The following LHPP variants were observed in gnomAD, a reference collection of about 807,000 sequenced individuals.
LHPP encodes phospholysine phosphohistidine inorganic pyrophosphate phosphatase.
In LHPP, 24 loss-of-function variants were observed where a neutral mutation model predicts 30.3. That is an observed-to-expected ratio of 0.79 (90% CI 0.57 to 1.11). The LOEUF is 1.11. Among genes scored for constraint, LHPP ranks in the 50% most tolerant of loss-of-function variants. LHPP has a pLI of 0.00. For synonymous variants in LHPP, 150 were observed against 157.1 expected, an observed-to-expected ratio of 0.95 and a Z score of 0.34; for missense variants, 356 against 367.2, an observed-to-expected ratio of 0.97 and a Z score of 0.25.
intron 6 of LHPP, among the ~76,000 whole-genome samples, chr10:124,537,308 TG>T (rs1294752147): frequency 6.6e-6 from 1 of 152,106 alleles, no homozygotes; most frequent in Non-Finnish European, 1.5e-5. Flanking sequence ...CGTGAGCTGT[TG>T]GGGGTGTCAG....
chr10:124,598,077 C>T lies in LHPP; in HGVS notation c.717-15187C>T, dbSNP rs540952493. ...ACGTCCAGGCCTCCCAGCCCCAACTCTGAGCCTCCGTTGGGTCAGTGGTAA... is the reference window on the plus strand; with the variant it reads ...ACGTCCAGGCCTCCCAGCCCCAACTTTGAGCCTCCGTTGGGTCAGTGGTAA... On this transcript the variant is annotated intron_variant, in intron 6 of 6. Transcript: ENST00000368842. 2.0e-5 allele frequency among the ~76,000 whole-genome samples: 3 copies of T among 152,348 alleles called. No individual in the cohort carries two copies. In the South Asian group the frequency reaches 6.2e-4, roughly 32 times the overall value.
chr10:124,607,568 G>A (rs993748566), intron 6 of LHPP, among the ~76,000 whole-genome samples: 1 of 152,194 alleles, frequency 6.6e-6, no homozygotes, highest in Non-Finnish European at 1.5e-5. Context: ...ATTACAAAGC[G>A]TCATCTTCTA....
At position 124,590,635 on chromosome 10, in the gene LHPP, C is replaced by T. The variant is rs550092337; in HGVS notation, c.717-22629C>T. ...CTGTCTGCCCAGGACTCTCCCCACCCGCACAGTGTACCTGTCCCACAGTGG... is the reference window on the plus strand; with the variant it reads ...CTGTCTGCCCAGGACTCTCCCCACCTGCACAGTGTACCTGTCCCACAGTGG... On this transcript the variant is annotated intron_variant, in intron 6 of 6. Transcript: ENST00000368842. The surrounding 1 kb of genome is among the most constrained non-coding windows in gnomAD (Gnocchi z 4.3). Among the ~76,000 whole-genome samples, 88 of 152,318 alleles carry T rather than the reference C, an allele frequency of 5.8e-4. No homozygotes were observed. The highest frequency in any genetic ancestry group is 2.0e-3 in the African/African-American group (84 of 41,574).
chr10:124,602,684 CA>C (rs1949038976), intron 6 of LHPP, among the ~76,000 whole-genome samples: 1 of 152,142 alleles, frequency 6.6e-6, no homozygotes, highest in African/African-American at 2.4e-5. Context: ...CCCTGGGCAC[CA>C]CCCACTGGAA....
At chr10:124,500,644 A>T (rs1953870745) in intron 5 of LHPP, among the ~76,000 whole-genome samples, 1 of 151,926 alleles carries the variant, frequency 6.6e-6, no homozygotes, top group African/African-American at 2.4e-5. Flanking sequence ...GGCATACAAA[A>T]AGATACTCAA....
chr10:124,475,964 G>A (rs912620482), intron 1 of LHPP, among the ~76,000 whole-genome samples: 3 of 152,264 alleles, frequency 2.0e-5, no homozygotes, highest in Non-Finnish European at 2.9e-5. Context: ...TCTAAATTGC[G>A]TTTATTGATT....
At chr10:124,575,406 C>T (rs539405891) in intron 6 of LHPP, among the ~76,000 whole-genome samples, 27 of 152,284 alleles carry the variant, frequency 1.8e-4, no homozygotes, top group African/African-American at 6.5e-4. Context: ...CAGTTCACTC[C>T]CTAATACGCC....
intron 6 of LHPP, among the ~76,000 whole-genome samples, chr10:124,585,799 T>G (rs1366965690): frequency 6.6e-6 from 1 of 151,922 alleles, no homozygotes; most frequent in East Asian, 1.9e-4. Context: ...TGTGTTTTCT[T>G]TTTTTGGAGA....
At chr10:124,518,515 G>T (rs1426099399) in intron 6 of LHPP, among the ~76,000 whole-genome samples, 1 of 152,248 alleles carries the variant, frequency 6.6e-6, no homozygotes, top group Non-Finnish European at 1.5e-5. Context: ...CAGCCGTCAG[G>T]AGCCCAGCCC....
rs1038090646 is a variant in LHPP, at chr10:124,478,719, G to C, written c.126-5420G>C. Among the ~76,000 whole-genome samples, 7 of 152,140 alleles carry C rather than the reference G, an allele frequency of 4.6e-5. No homozygotes were observed. Among genetic ancestry groups the C allele is most frequent in the Admixed American group, 3.3e-4 (5 of 15,280 alleles). ...GGGCGATGTTGTCACTCAGAGGCTC[G>C]TCCTGGCCTGCTGAGATGAGGTAAA... On this transcript the variant is annotated intron_variant, in intron 1 of 6. Coordinates refer to ENST00000368842, the MANE Select transcript of LHPP (RefSeq NM_022126.4). The surrounding 1 kb of genome is among the most constrained non-coding windows in gnomAD (Gnocchi z 4.7).
intron 6 of LHPP, among the ~76,000 whole-genome samples, chr10:124,557,589 A>C (rs1051887672): frequency 3.3e-5 from 5 of 152,184 alleles, no homozygotes; most frequent in African/African-American, 1.2e-4. Flanking sequence ...TCTCAGAGTA[A>C]ATCACAGTCC....
At chr10:124,545,640 G>A (rs1206470962) in intron 6 of LHPP, among the ~76,000 whole-genome samples, 3 of 149,530 alleles carry the variant, frequency 2.0e-5, no homozygotes, top group Non-Finnish European at 4.4e-5. Context: ...CCCAGCGGGT[G>A]TGTCAGGGGG....
intron 6 of LHPP, among the ~76,000 whole-genome samples, chr10:124,560,917 G>A (rs918296884): frequency 7.9e-5 from 12 of 152,212 alleles, no homozygotes; most frequent in African/African-American, 2.7e-4. Context: ...TGGAGCAGAA[G>A]TGCCTTTCCC....
intron 5 of LHPP, among the ~76,000 whole-genome samples, chr10:124,516,445 C>T (rs1954456773): frequency 1.3e-5 from 2 of 152,202 alleles, no homozygotes; most frequent in Non-Finnish European, 2.9e-5. Flanking sequence ...CACTTGAGTT[C>T]ACAGCACCCC....
intron 6 of LHPP, among the ~76,000 whole-genome samples, chr10:124,524,091 A>G (rs530752518): frequency 2.8e-4 from 43 of 152,230 alleles, no homozygotes; most frequent in African/African-American, 9.6e-4. Flanking sequence ...CCCACGCTGT[A>G]TAACTCAGTG....
In LHPP at chr10:124,593,444, T is replaced by A. The variant is rs1948905720; in HGVS notation, c.717-19820T>A. 6.6e-6 allele frequency among the ~76,000 whole-genome samples: 1 copy of A among 152,156 alleles called. No homozygotes were observed. The highest frequency in any genetic ancestry group is 1.5e-5 in the Non-Finnish European group (1 of 68,018). The stretch of plus-strand genomic sequence containing the variant: ...TTGCATCCTAAAGGCCCTCCATCTC[T>A]CAGGTTGGGGGATCACTCTTGTTTC... On this transcript the variant is annotated intron_variant, in intron 6 of 6. Transcript: ENST00000368842. This position sits in a 1 kb window ranked among gnomAD's most constrained non-coding sequence, Gnocchi z 4.9.
At chr10:124,481,190 C>A (rs1263661106) in intron 1 of LHPP, among the ~76,000 whole-genome samples, 1 of 150,640 alleles carries the variant, frequency 6.6e-6, no homozygotes, top group Non-Finnish European at 1.5e-5. Context: ...ATTGGAGACA[C>A]TGGTTAGTGT....
intron 6 of LHPP, among the ~76,000 whole-genome samples, chr10:124,607,264 G>T (rs1407510441): frequency 6.6e-6 from 1 of 152,206 alleles, no homozygotes; most frequent in African/African-American, 2.4e-5. Context: ...GACTCCTCCT[G>T]CCCAGGCCAT....
At chr10:124,536,138 G>A (rs1412570178) in intron 6 of LHPP, among the ~76,000 whole-genome samples, 1 of 152,262 alleles carries the variant, frequency 6.6e-6, no homozygotes, top group Non-Finnish European at 1.5e-5. Context: ...GGGTCCCCGG[G>A]CTTTTCCACC....
Sources: gnomAD v4.1 joint callset for allele counts (sites outside exome capture counted in the v4.1 genomes callset) on GRCh38, gnomAD v4.1.1 for gene constraint, Gnocchi (gnomAD v3.1) non-coding constraint, MANE v1.5 for transcripts, NCBI Gene and HGNC (gene_info 2026-07-23, HGNC 2026-07-21) for gene names.